The following GRM1 variants were observed in gnomAD, a reference collection of about 807,000 sequenced individuals.
GRM1 encodes the protein metabotropic glutamate receptor 1.
In GRM1, 33 loss-of-function variants were observed where a neutral mutation model predicts 90.9. That is an observed-to-expected ratio of 0.36 (90% CI 0.28 to 0.49). GRM1 has a LOEUF of 0.49. Ranked by LOEUF, GRM1 falls within the 20% of genes least tolerant of loss-of-function variation. GRM1 has a pLI of 0.99. For missense variants in GRM1, 1,190 were observed against 1,534.3 expected, an observed-to-expected ratio of 0.78 and a Z score of 3.75; for synonymous variants, 700 against 613.2, an observed-to-expected ratio of 1.14 and a Z score of -2.09.
chr6:146,065,172 T>TA (rs1462723746), intron 1 of GRM1, among the ~76,000 whole-genome samples: 1 of 152,176 alleles, frequency 6.6e-6, no homozygotes, highest in African/African-American at 2.4e-5. Flanking sequence ...GTGTACCCTG[T>TA]AAAAAACATA....
intron 5 of GRM1, among the ~76,000 whole-genome samples, chr6:146,383,675 CAGT>C (rs2115133888): frequency 6.6e-6 from 1 of 152,150 alleles, no homozygotes; most frequent in Admixed American, 6.5e-5. Flanking sequence ...AATTCTAAAA[CAGT>C]GGTATAAATG....
chr6:146,079,659 G>T (rs1190110853), intron 1 of GRM1, among the ~76,000 whole-genome samples: 1 of 152,174 alleles, frequency 6.6e-6, no homozygotes, highest in Non-Finnish European at 1.5e-5. Context: ...GGCATGGAGA[G>T]CAAGTACTCC....
At chr6:146,191,837 C>T (rs1294106969) in intron 2 of GRM1, among the ~76,000 whole-genome samples, 3 of 152,108 alleles carry the variant, frequency 2.0e-5, no homozygotes, top group Admixed American at 2.0e-4. Context: ...GTCAGTCAAT[C>T]TCTGGTCCGT....
rs113728819 is a variant in GRM1, at chr6:146,086,866, A to G, written c.700+56649A>G. Among the ~76,000 whole-genome samples, 14 of 152,214 alleles carry G rather than the reference A, an allele frequency of 9.2e-5. No individual in the cohort carries two copies. The East Asian group carries it at 1.7e-3, about 19-fold the overall frequency. On this transcript the variant is annotated intron_variant, in intron 1 of 7. Coordinates refer to ENST00000282753, the MANE Select transcript of GRM1 (RefSeq NM_001278064.2). The stretch of plus-strand genomic sequence containing the variant: ...CCAAGTATGTCTAGCCTCGTGATCA[A>G]TATAGCTCCAGGAATGTTATTCAGG...
At chr6:146,425,915 A>G (rs1778191426) in intron 7 of GRM1, among the ~76,000 whole-genome samples, 1 of 152,176 alleles carries the variant, frequency 6.6e-6, no homozygotes, top group Non-Finnish European at 1.5e-5. Flanking sequence ...TCCATCTGCC[A>G]AAGGGGCACA....
intron 1 of GRM1, among the ~76,000 whole-genome samples, chr6:146,140,186 G>C (rs988561860): frequency 2.2e-4 from 22 of 98,370 alleles, no homozygotes; most frequent in African/African-American, 7.4e-4. Flanking sequence ...CTTCTTTCCT[G>C]TCTACATTTT....
At chr6:146,330,625 T>C (rs533131531) in intron 3 of GRM1, among the ~76,000 whole-genome samples, 56 of 152,316 alleles carry the variant, frequency 3.7e-4, no homozygotes, top group African/African-American at 1.3e-3. Flanking sequence ...TTCTGGCAAG[T>C]CTAAAAAATA....
At chr6:146,064,760 C>T (rs1215483747) in intron 1 of GRM1, among the ~76,000 whole-genome samples, 1 of 146,222 alleles carries the variant, frequency 6.8e-6, no homozygotes, top group African/African-American at 2.5e-5. Flanking sequence ...CACTGCACTC[C>T]AGCCTGGGTG....
chr6:146,374,045 C>T (rs1245913614), intron 5 of GRM1, among the ~76,000 whole-genome samples: 1 of 151,988 alleles, frequency 6.6e-6, no homozygotes, highest in African/African-American at 2.4e-5. Flanking sequence ...CCTTTTATCC[C>T]CAGTTTTGAG....
chr6:146,132,045 A>G (rs1776418650), intron 1 of GRM1, among the ~76,000 whole-genome samples: 1 of 152,186 alleles, frequency 6.6e-6, no homozygotes, highest in African/African-American at 2.4e-5. Flanking sequence ...TAATGAAAAG[A>G]AGTCCAATGT....
chr6:146,106,049 A>C (rs565172333), intron 1 of GRM1, among the ~76,000 whole-genome samples: 1 of 152,246 alleles, frequency 6.6e-6, no homozygotes, highest in South Asian at 2.1e-4. Context: ...TGGTCTGTAC[A>C]TATAAAATGT....
chr6:146,215,552 A>T (rs960695413), intron 2 of GRM1, among the ~76,000 whole-genome samples: 1 of 152,144 alleles, frequency 6.6e-6, no homozygotes, highest in Non-Finnish European at 1.5e-5. Context: ...CTTAGGTCTT[A>T]TTAGAATAGT....
chr6:146,394,305 C>T (rs1776849378), intron 6 of GRM1, among the ~76,000 whole-genome samples: 1 of 151,968 alleles, frequency 6.6e-6, no homozygotes, highest in Admixed American at 6.6e-5. Flanking sequence ...TATATCTAGG[C>T]TCAGATAAAT....
At chr6:146,397,330 C>T (rs1032607504) in intron 6 of GRM1, among the ~76,000 whole-genome samples, 5 of 151,356 alleles carry the variant, frequency 3.3e-5, no homozygotes, top group African/African-American at 9.7e-5. Flanking sequence ...AAAAATTAGC[C>T]GGGCATGGTG....
intron 2 of GRM1, among the ~76,000 whole-genome samples, chr6:146,226,371 GA>G (rs1472862281): frequency 6.6e-6 from 1 of 152,050 alleles, no homozygotes; most frequent in African/African-American, 2.4e-5. Context: ...GAGATGAAAA[GA>G]AACCAGAATT....
chr6:146,293,188 T>G, intron 2 of GRM1, among the ~76,000 whole-genome samples: 1 of 151,946 alleles, frequency 6.6e-6, no homozygotes, highest in African/African-American at 2.4e-5. Flanking sequence ...ATTTTAGAAA[T>G]AGATAGAAGT....
At chr6:146,084,230 A>G (rs540522870) in intron 1 of GRM1, among the ~76,000 whole-genome samples, 2 of 151,302 alleles carry the variant, frequency 1.3e-5, no homozygotes, top group South Asian at 4.2e-4. Flanking sequence ...TCGTGTCTCT[A>G]TATCCTTCAG....
chr6:146,433,278 C>T (rs944587197), intron 7 of GRM1, among the ~76,000 whole-genome samples: 1 of 152,162 alleles, frequency 6.6e-6, no homozygotes, highest in Non-Finnish European at 1.5e-5. Context: ...CTGAGTTTTT[C>T]TGTCATCTGC....
At position 146,424,723 on chromosome 6, in the gene GRM1, G is replaced by A. The variant is rs146864505; in HGVS notation, c.2661-9149G>A. On this transcript the variant is annotated intron_variant, in intron 7 of 7. Transcript: ENST00000282753. ...CCAGTTCCCAGTGCCAATTGAACAG[G>A]CCACATACAGACATTCCTCAAAAGT... 2.0e-5 allele frequency among the ~76,000 whole-genome samples: 3 copies of A among 152,284 alleles called. No individual in the cohort carries two copies. In the East Asian group the frequency reaches 5.8e-4, roughly 29 times the overall value.
Sources: gnomAD v4.1 joint callset for allele counts (sites outside exome capture counted in the v4.1 genomes callset) on GRCh38, gnomAD v4.1.1 for gene constraint, MANE v1.5 for transcripts, NCBI Gene and HGNC (gene_info 2026-07-23, HGNC 2026-07-21) for gene names.